SPTBN5: variants seen among roughly 807,000 people sequenced by gnomAD.
SPTBN5 encodes the protein spectrin beta, non-erythrocytic 5.
A neutral mutation model predicts 477.6 loss-of-function variants in SPTBN5; 513 were observed. The observed-to-expected ratio is 1.07, with a 90% CI of 1.00 to 1.16. The LOEUF is 1.16. Among genes scored for constraint, SPTBN5 ranks in the 50% most tolerant of loss-of-function variants. The probability of loss-of-function intolerance (pLI) is 0.00; values close to 1 mark genes in which losing one functional copy is unlikely to be tolerated. For missense variants in SPTBN5, 5,062 were observed against 4,731.8 expected (o/e 1.07, Z -2.05); for synonymous variants, 2,169 against 2,011.7 (o/e 1.08, Z -2.09).
rs751406277 is a variant in SPTBN5, at chr15:41,874,304, G to A, written c.4677C>T (p.His1559=). The A allele has an allele frequency of 6.2e-7, 1 of 1,611,522 alleles. No individual in the cohort carries two copies. The highest frequency in any genetic ancestry group is 8.5e-7 in the Non-Finnish European group (1 of 1,178,894). Reference sequence around the variant, plus strand: ...AGAGGGCTATTACCTTGTGCTTGCGGTGAAGGCTCTGGGCACCATTCAAGC... The same window carrying A: ...AGAGGGCTATTACCTTGTGCTTGCGATGAAGGCTCTGGGCACCATTCAAGC... The part of the protein sequence containing the change: ...TECLNGAQSL[H]RKHKELQVEV... Residue 1559 remains histidine (H), a synonymous_variant, in exon 24 of 68, where the codon CAC becomes CAT. Coordinates refer to ENST00000320955, the MANE Select transcript of SPTBN5 (RefSeq NM_016642.4).
In SPTBN5 at chr15:41,850,630, G is replaced by A. The variant is rs1446844516; in HGVS notation, c.10921+224C>T. On this transcript the variant is annotated intron_variant, in intron 66 of 67. Transcript: ENST00000320955. ...GAACAGGACCAGGACACAGCTGGGG[G>A]TTCAAAACTGGCCCCATCTCTGCTA... The A allele has an allele frequency of 1.2e-4, 65 of 564,588 alleles. No homozygotes were observed. In the East Asian group the frequency reaches 1.8e-3, roughly 16 times the overall value. The allele number at this position is 564,588 out of a possible 1,614,324, so 35.0% of individuals were successfully genotyped here. A position where few individuals can be genotyped will look rare whatever the true frequency, so the allele number is the denominator to read the frequency against.
At chr15:41,870,689 T>C (rs2066507294) in intron 29 of SPTBN5, 129 bp from the exon 30 acceptor site, 1 of 719,326 alleles carries the variant, frequency 1.4e-6, no homozygotes. Context: ...TCCTCCTTCT[T>C]AAAACCTCTC....
chr15:41,864,041 G>T lies in SPTBN5; in HGVS notation c.6919-17C>A. The T allele has an allele frequency of 6.2e-7, 1 of 1,601,446 alleles. No individual in the cohort carries two copies. The highest frequency in any genetic ancestry group is 8.5e-7 in the Non-Finnish European group (1 of 1,172,242). On this transcript the variant is annotated splice_polypyrimidine_tract_variant and intron_variant, in intron 39 of 67. Coordinates refer to ENST00000320955, the MANE Select transcript of SPTBN5 (RefSeq NM_016642.4). The stretch of plus-strand genomic sequence containing the variant: ...CACTGTGTCCTGCAGGGGAGGTATG[G>T]GTGAGGGCATTGGCACCCCCCATGC...
rs559697990 is a variant in SPTBN5, at chr15:41,859,417, C to T, written c.7989-437G>A. 5.9e-5 allele frequency among the ~76,000 whole-genome samples: 9 copies of T among 152,312 alleles called. No individual in the cohort carries two copies. In the East Asian group the frequency reaches 1.3e-3, roughly 23 times the overall value. On this transcript the variant is annotated intron_variant, in intron 47 of 67. Coordinates refer to ENST00000320955, the MANE Select transcript of SPTBN5 (RefSeq NM_016642.4). The stretch of plus-strand genomic sequence containing the variant: ...CAAATGATCCACCTACCTCGGCCTC[C>T]CAAAGTGCTGGGTTTACAGGCGTGA...
intron 49 of SPTBN5, 147 bp from the exon 50 acceptor site, chr15:41,857,857 A>G: frequency 1.1e-6 from 1 of 907,682 alleles, no homozygotes; most frequent in Middle Eastern, 3.5e-4. Flanking sequence ...CCTAAGCCTC[A>G]TTTTCCTCAT....
intron 3 of SPTBN5, among the ~76,000 whole-genome samples, chr15:41,891,528 G>C (rs562864004): frequency 4.7e-5 from 6 of 127,072 alleles, no homozygotes; most frequent in Admixed American, 1.7e-4. Flanking sequence ...ATGTCACGCT[G>C]GTGGCTTAAA....
In SPTBN5 at chr15:41,878,522, CGCCGGGCCCGTTGG is replaced by C; in HGVS notation, c.3276_3289del (p.Gln1093ProfsTer3). On this transcript the variant is annotated frameshift_variant, in exon 17 of 68. Transcript: ENST00000320955. LOFTEE classifies it high-confidence loss of function. ...CTGCCGGGCCTGAGTCTCAGCCTGG[CGCCGGGCCCGTTGG>C]GCCACTTGTTCCTGTACTTGCTTCA... is the stretch of plus-strand genomic sequence containing the variant. The C allele has an allele frequency of 6.2e-7, 1 of 1,612,958 alleles. No homozygotes were observed. The highest frequency in any genetic ancestry group is 1.1e-5 in the South Asian group (1 of 90,980).
At chr15:41,851,201 T>C in intron 64 of SPTBN5, 51 bp from the exon 65 acceptor site, 1 of 1,587,482 alleles carries the variant, frequency 6.3e-7, no homozygotes, top group South Asian at 1.1e-5. Flanking sequence ...AGCTTTTCCC[T>C]GTGGGGTCCC....
In SPTBN5 at chr15:41,870,040, T is replaced by C. The variant is rs369037169; in HGVS notation, c.5674-20A>G. ...CTGCAGCTGCGGGAGGGGCAGGGAA[T>C]AGGGAGGCAAGGGTCATGTCCTCCT... is the stretch of plus-strand genomic sequence containing the variant. On this transcript the variant is annotated intron_variant, in intron 31 of 67. Coordinates refer to ENST00000320955, the MANE Select transcript of SPTBN5 (RefSeq NM_016642.4). The C allele has an allele frequency of 3.8e-5, 56 of 1,468,224 alleles. No homozygotes were observed. In the African/African-American group the frequency reaches 4.0e-4, roughly 10 times the overall value. The allele number at this position is 1,468,224 out of a possible 1,614,324, so 90.9% of individuals were successfully genotyped here.
At chr15:41,874,775 C>A in intron 23 of SPTBN5, 67 bp downstream of exon 23, 4 of 1,490,992 alleles carry the variant, frequency 2.7e-6, no homozygotes, top group South Asian at 1.3e-5. Context: ...CCTGTGGGTG[C>A]CATCTTGTGG....
Position 41,883,236 on chromosome 15 carries a change from G to T in SPTBN5, c.1660-8C>A. 6.2e-7 allele frequency: 1 copy of T among 1,608,412 alleles called. No homozygotes were observed. On this transcript the variant is annotated splice_region_variant and splice_polypyrimidine_tract_variant and intron_variant, in intron 8 of 67. Transcript: ENST00000320955. ...GGTGGACCTGGCCGGCTCCTGGCCAGAGATGATGGTCATTGCAGTGGTCCC... is the reference window on the plus strand; with the variant it reads ...GGTGGACCTGGCCGGCTCCTGGCCATAGATGATGGTCATTGCAGTGGTCCC...
At chr15:41,849,144 C>T (rs2065660269) in intron 67 of SPTBN5, among the ~76,000 whole-genome samples, 1 of 152,230 alleles carries the variant, frequency 6.6e-6, no homozygotes, top group Non-Finnish European at 1.5e-5. Flanking sequence ...TCTCCAGTCC[C>T]TCCTCCACTT....
chr15:41,850,948 C>T lies in SPTBN5; in HGVS notation c.10836-9G>A, dbSNP rs996473092. On this transcript the variant is annotated splice_polypyrimidine_tract_variant and intron_variant, in intron 65 of 67. Transcript: ENST00000320955. ...CTGCCCCACTGGTCAGCCTGGCACCCACAGTCACAGGTCAAACTCCACTGT... is the reference window on the plus strand; with the variant it reads ...CTGCCCCACTGGTCAGCCTGGCACCTACAGTCACAGGTCAAACTCCACTGT... 1.1e-5 allele frequency: 16 copies of T among 1,491,080 alleles called. No homozygotes were observed. The highest frequency in any genetic ancestry group is 4.9e-5 in the East Asian group (2 of 41,232). 92.4% of individuals were successfully genotyped at this position (1,491,080 alleles called of 1,614,324 possible).
intron 67 of SPTBN5, among the ~76,000 whole-genome samples, chr15:41,849,445 G>GT (rs2065673431): frequency 6.6e-6 from 1 of 152,208 alleles, no homozygotes. Context: ...GCAGGGTCTG[G>GT]CCGTCCTGCC....
chr15:41,875,432 G>A, intron 22 of SPTBN5, 26 bp downstream of exon 22: 2 of 1,605,310 alleles, frequency 1.2e-6, no homozygotes, highest in Non-Finnish European at 1.7e-6. Flanking sequence ...TCTCCCTCTT[G>A]TGCCCTGTCC....
chr15:41,862,309 T>C lies in SPTBN5; in HGVS notation c.7386-17A>G. The C allele has an allele frequency of 6.3e-7, 1 of 1,577,978 alleles. No homozygotes were observed. The stretch of plus-strand genomic sequence containing the variant: ...GCCTCCCTCCTGCCCACAGCGCTCA[T>C]CAGCTAGTCGTCAGGCCTTCAAACC... On this transcript the variant is annotated splice_polypyrimidine_tract_variant and intron_variant, in intron 43 of 67. Transcript: ENST00000320955.
rs374905323 is a variant in SPTBN5, at chr15:41,874,442, G to T, written c.4539C>A (p.Gly1513=). 4.7e-5 allele frequency: 76 copies of T among 1,611,616 alleles called. No individual in the cohort carries two copies. The highest frequency in any genetic ancestry group is 6.1e-5 in the Non-Finnish European group (72 of 1,179,304). ...ELLQGHLAIR[G]LQLQASVELH... Reference sequence around the variant, plus strand: ...GCTCCACTGAGGCCTGCAGCTGCAGGCCCCGGATGGCCAGATGCCCCTGCA... The same window carrying T: ...GCTCCACTGAGGCCTGCAGCTGCAGTCCCCGGATGGCCAGATGCCCCTGCA... The change falls in exon 24 of 68, where the codon GGC becomes GGA. Residue 1513 remains glycine, a synonymous_variant. Transcript: ENST00000320955.
rs765047603 is a variant in SPTBN5, at chr15:41,879,760, T to C, written c.2916A>G (p.Gln972=). 1.2e-6 allele frequency: 2 copies of C among 1,613,932 alleles called. No individual in the cohort carries two copies. Among genetic ancestry groups the C allele is most frequent in the South Asian group, 2.2e-5 (2 of 91,076 alleles). ...TCTGGCTCAGTTCCTCCTGCTGTCGTTGGATTTGTGTGGAGTTCCCAGGAT... is the reference window on the plus strand; with the variant it reads ...TCTGGCTCAGTTCCTCCTGCTGTCGCTGGATTTGTGTGGAGTTCCCAGGAT... The part of the protein sequence containing the change: ...QRYPGNSTQI[Q]RQQEELSQRW... Residue 972 remains glutamine (Q), a synonymous_variant, in exon 15 of 68, where the codon CAA becomes CAG. Transcript: ENST00000320955.
Position 41,863,794 on chromosome 15 carries a change from C to A in SPTBN5, c.7059G>T (p.Leu2353Phe), listed in dbSNP as rs772398118. ...CTTCGAGCTGCTGCTGGTACCGGAG[C>A]AAGTTGCCATGGAAACTCGCCCACC... ...NNRWASFHGN[L>F]LRYQQQLEGA... is the part of the protein sequence containing the mutation. The change falls in exon 41 of 68, where the codon TTG becomes TTT. Residue 2353 changes from leucine (L) to phenylalanine (F), a missense_variant. Physicochemically the swap from Leu to Phe is conservative, Grantham distance 22 (BLOSUM62 0). Transcript: ENST00000320955. 4 of 1,613,872 alleles carry A rather than the reference C, an allele frequency of 2.5e-6. No individual in the cohort carries two copies. Among genetic ancestry groups the A allele is most frequent in the African/African-American group, 2.7e-5 (2 of 75,064 alleles).
Sources: allele counts gnomAD v4.1 joint callset (sites outside exome capture counted in the v4.1 genomes callset), GRCh38; gene constraint gnomAD v4.1.1; transcripts MANE v1.5; gene names NCBI Gene and HGNC (gene_info 2026-07-23, HGNC 2026-07-21).